Variants in KCNIP4 observed in about 807,000 individuals in gnomAD.
KCNIP4 encodes the protein potassium voltage-gated channel interacting protein 4.
In KCNIP4, 12 loss-of-function variants were observed where a neutral mutation model predicts 34.0. That is an observed-to-expected ratio of 0.35 (90% CI 0.23 to 0.57). The LOEUF (loss-of-function observed/expected upper bound fraction) is 0.57, where lower values mean the gene tolerates loss of function less well. Among genes scored for constraint, KCNIP4 ranks in the 20% least tolerant of loss-of-function variants. The pLI, the probability that KCNIP4 is intolerant of heterozygous loss-of-function variation, is 0.83. For missense variants in KCNIP4, 238 were observed against 311.7 expected, an observed-to-expected ratio of 0.76 and a Z score of 1.78; for synonymous variants, 124 against 102.2, an observed-to-expected ratio of 1.21 and a Z score of -1.29.
chr4:21,564,815 A>G lies in KCNIP4; in HGVS notation c.61+383756T>C, dbSNP rs114969898. Among the ~76,000 whole-genome samples, 1,052 of 151,890 alleles carry G rather than the reference A, an allele frequency of 6.9e-3. 14 individuals are homozygous for G. Among genetic ancestry groups the G allele is most frequent in the African/African-American group, 0.024 (993 of 41,488 alleles). ...GTGTGCAGAGGTGACGCAGTGAGAG[A>G]GGAAGCAAGAGAGAGAGTGGAGATG... On this transcript the variant is annotated intron_variant, in intron 1 of 8. Coordinates refer to ENST00000382152, the MANE Select transcript of KCNIP4 (RefSeq NM_025221.6).
intron 5 of KCNIP4, 99 bp downstream of exon 5, chr4:20,749,563 T>G (rs1281216392): frequency 1.3e-6 from 1 of 780,498 alleles, no homozygotes; most frequent in Non-Finnish European, 2.1e-6. Flanking sequence ...TGGGCTTTCT[T>G]TCCCCTGAGC....
At chr4:21,707,577 A>G (rs1713383907) in intron 1 of KCNIP4, among the ~76,000 whole-genome samples, 1 of 152,112 alleles carries the variant, frequency 6.6e-6, no homozygotes, top group Non-Finnish European at 1.5e-5. Context: ...CCACCCACCA[A>G]AAACTCTGTC....
intron 1 of KCNIP4, among the ~76,000 whole-genome samples, chr4:21,786,878 T>C (rs1719951273): frequency 6.6e-6 from 1 of 152,060 alleles, no homozygotes; most frequent in Non-Finnish European, 1.5e-5. Context: ...AGTAACTCTT[T>C]TAGCCTCTAT....
chr4:21,108,018 C>T (rs1362246287), intron 1 of KCNIP4, among the ~76,000 whole-genome samples: 3 of 151,430 alleles, frequency 2.0e-5, no homozygotes, highest in African/African-American at 7.3e-5. Context: ...CCCTTTCTCT[C>T]TGGCTGCCCT....
At chr4:21,347,321 C>T (rs1578109584) in intron 1 of KCNIP4, among the ~76,000 whole-genome samples, 1 of 152,182 alleles carries the variant, frequency 6.6e-6, no homozygotes, top group Non-Finnish European at 1.5e-5. Flanking sequence ...TGGAAGCTGG[C>T]ACCCCAGAGG....
Position 21,390,619 on chromosome 4 carries a change from G to C in KCNIP4, c.62-507910C>G, listed in dbSNP as rs60906275. Among the ~76,000 whole-genome samples, 348 of 152,264 alleles carry C rather than the reference G, an allele frequency of 2.3e-3. 1 individual carries two copies. The highest frequency in any genetic ancestry group is 8.2e-3 in the African/African-American group (340 of 41,558). ...TGAAAGATCAGATGGTTGTACATGT[G>C]TGGTATTATTTCTGAGGGCTTTGTT... On this transcript the variant is annotated intron_variant, in intron 1 of 8. Coordinates refer to ENST00000382152, the MANE Select transcript of KCNIP4 (RefSeq NM_025221.6).
intron 1 of KCNIP4, among the ~76,000 whole-genome samples, chr4:21,501,223 TTCTCTCTC>T (rs764384677): frequency 1.4e-5 from 2 of 142,432 alleles, no homozygotes; most frequent in African/African-American, 5.2e-5. Flanking sequence ...TCAACTGCCT[TTCTCTCTC>T]TCTCTCTCTC....
chr4:21,769,980 A>T (rs1417360542), intron 1 of KCNIP4, among the ~76,000 whole-genome samples: 1 of 150,846 alleles, frequency 6.6e-6, no homozygotes, highest in Non-Finnish European at 1.5e-5. Context: ...TTCATACCAG[A>T]AGGTTGTCTT....
chr4:21,698,602 T>G (rs1712585065), intron 1 of KCNIP4, among the ~76,000 whole-genome samples: 1 of 152,196 alleles, frequency 6.6e-6, no homozygotes, highest in Non-Finnish European at 1.5e-5. Context: ...TTAAGTGCCT[T>G]AGGCAGTTTT....
At chr4:21,293,957 G>C (rs1228015401) in intron 1 of KCNIP4, among the ~76,000 whole-genome samples, 1 of 152,076 alleles carries the variant, frequency 6.6e-6, no homozygotes, top group African/African-American at 2.4e-5. Context: ...TTCTCCAGGT[G>C]GGCAGCCTGA....
intron 1 of KCNIP4, among the ~76,000 whole-genome samples, chr4:21,207,574 C>A (rs1756933517): frequency 6.6e-6 from 1 of 152,112 alleles, no homozygotes; most frequent in Non-Finnish European, 1.5e-5. Context: ...TTGTCTATGG[C>A]ACATATCTAG....
At chr4:21,710,326 C>T (rs1291083584) in intron 1 of KCNIP4, among the ~76,000 whole-genome samples, 1 of 152,136 alleles carries the variant, frequency 6.6e-6, no homozygotes, top group African/African-American at 2.4e-5. Flanking sequence ...CTGCCATACA[C>T]CCTTCTCATC....
intron 1 of KCNIP4, among the ~76,000 whole-genome samples, chr4:21,697,035 G>C (rs1023211753): frequency 6.6e-5 from 10 of 151,660 alleles, no homozygotes; most frequent in African/African-American, 2.4e-4. Context: ...GGAAAGAAGA[G>C]AAAAACCCCT....
chr4:21,434,006 T>C (rs956697821), intron 1 of KCNIP4, among the ~76,000 whole-genome samples: 31 of 152,286 alleles, frequency 2.0e-4, no homozygotes, highest in African/African-American at 7.2e-4. Flanking sequence ...CGGTATTTTC[T>C]GGGTTCAATT....
At chr4:20,983,742 A>T in intron 1 of KCNIP4, 1 of 1,267,638 alleles carries the variant, frequency 7.9e-7, no homozygotes, top group Non-Finnish European at 1.1e-6. Flanking sequence ...AAGGCTTCTT[A>T]ACTTCTGCAG....
intron 1 of KCNIP4, chr4:21,697,482 C>G (rs779054161): frequency 2.0e-6 from 3 of 1,522,574 alleles, no homozygotes; most frequent in Non-Finnish European, 2.6e-6. Flanking sequence ...GAAGTCTTTG[C>G]CAATAATAAT....
intron 1 of KCNIP4, among the ~76,000 whole-genome samples, chr4:20,962,623 C>T (rs547139044): frequency 3.9e-5 from 6 of 152,250 alleles, no homozygotes; most frequent in Non-Finnish European, 8.8e-5. Context: ...GTTTGTCTAT[C>T]CCATTTACTT....
chr4:21,575,807 T>C (rs1463721099), intron 1 of KCNIP4, among the ~76,000 whole-genome samples: 2 of 152,216 alleles, frequency 1.3e-5, no homozygotes, highest in Non-Finnish European at 2.9e-5. Context: ...TATCACAAAT[T>C]ATATTATTTC....
intron 1 of KCNIP4, among the ~76,000 whole-genome samples, chr4:21,342,888 G>T (rs1716902142): frequency 6.6e-6 from 1 of 151,972 alleles, no homozygotes; most frequent in African/African-American, 2.4e-5. Flanking sequence ...TTAGCTAAGG[G>T]GCAGTAGTCT....
Sources: gnomAD v4.1 joint callset for allele counts (sites outside exome capture counted in the v4.1 genomes callset) on GRCh38, gnomAD v4.1.1 for gene constraint, MANE v1.5 for transcripts, NCBI Gene and HGNC (gene_info 2026-07-23, HGNC 2026-07-21) for gene names.